ABCA3: variants seen among roughly 807,000 people sequenced by gnomAD.
ABCA3 encodes the protein ATP binding cassette subfamily A member 3.
Under a neutral mutation model 172.8 loss-of-function variants are expected in ABCA3, and 88 were observed. The ratio of observed to expected loss-of-function variants is 0.51; its 90% CI spans 0.43 to 0.61. The LOEUF is 0.61. Among genes scored for constraint, ABCA3 ranks in the 20% least tolerant of loss-of-function variants. The pLI, the probability that ABCA3 is intolerant of heterozygous loss-of-function variation, is 0.00. For missense variants in ABCA3, 2,164 were observed against 2,301.0 expected, an observed-to-expected ratio of 0.94 and a Z score of 1.22; for synonymous variants, 1,066 against 983.8, an observed-to-expected ratio of 1.08 and a Z score of -1.56.
Position 2,277,783 on chromosome 16 carries a change from G to A in ABCA3, c.4909+96C>T, listed in dbSNP as rs1567335312. 6.3e-7 allele frequency: 1 copy of A among 1,590,548 alleles called. No individual in the cohort carries two copies. On this transcript the variant is annotated intron_variant, in intron 31 of 32. Coordinates refer to ENST00000301732, the MANE Select transcript of ABCA3 (RefSeq NM_001089.3). The surrounding 1 kb of genome is among the most constrained non-coding windows in gnomAD (Gnocchi z 5.3). ...CCAGGGATTGGGGAGATGGGACTTG[G>A]CGGGGCGAGGCACAGACGCTCCGCA...
At chr16:2,322,865 G>A (rs1428701506) in intron 7 of ABCA3, among the ~76,000 whole-genome samples, 3 of 152,024 alleles carry the variant, frequency 2.0e-5, no homozygotes, top group South Asian at 2.1e-4. Flanking sequence ...GAGTGAACAG[G>A]GAACCTACAG....
chr16:2,322,196 GAAAA>G (rs770820216), intron 7 of ABCA3, among the ~76,000 whole-genome samples: 2 of 117,444 alleles, frequency 1.7e-5, no homozygotes, highest in Admixed American at 1.8e-4. Context: ...GATTCTGTCT[GAAAA>G]AAAAAAAAAA....
chr16:2,326,492 G>A lies in ABCA3; in HGVS notation c.-26C>T, dbSNP rs377547625. 1.4e-5 allele frequency: 23 copies of A among 1,600,726 alleles called. No individual in the cohort carries two copies. The highest frequency in any genetic ancestry group is 1.8e-5 in the Non-Finnish European group (21 of 1,173,186). ...CGTCTTGCTGAAAGGGACGCCCAGT[G>A]CTAGTTACAGACCAAAGACAGAGAG... On this transcript the variant is annotated splice_region_variant and 5_prime_UTR_variant, in exon 4 of 33. Coordinates refer to ENST00000301732, the MANE Select transcript of ABCA3 (RefSeq NM_001089.3).
rs1038561349 is a variant in ABCA3 at position 2,300,996 on chromosome 16, C to T, written c.1468-848G>A. Among the ~76,000 whole-genome samples, 45 of 149,922 alleles carry T rather than the reference C, an allele frequency of 3.0e-4. 1 individual carries two copies. The highest frequency in any genetic ancestry group is 6.6e-4 in the Admixed American group (10 of 15,186). ...CTGTAATCCCAGCACTTTGGGAGGC[C>T]GAGGCGGGCGGATCATGAGGTCAGG... On this transcript the variant is annotated intron_variant, in intron 12 of 32. Coordinates refer to ENST00000301732, the MANE Select transcript of ABCA3 (RefSeq NM_001089.3).
At chr16:2,323,192 T>G (rs1036615994) in intron 7 of ABCA3, 12 of 419,702 alleles carry the variant, frequency 2.9e-5, no homozygotes, top group Admixed American at 1.9e-4. Context: ...TAGGAACACT[T>G]TTACACTGTT....
At chr16:2,292,277 G>T in intron 18 of ABCA3, 39 bp from the exon 19 acceptor site, 1 of 1,545,804 alleles carries the variant, frequency 6.5e-7, no homozygotes, top group South Asian at 1.1e-5. Context: ...ACTTCTCAGT[G>T]ACTTTCTAGA....
chr16:2,286,050 GTTGCTTTTCTGCTC>G lies in ABCA3; in HGVS notation c.3279-418_3279-405del, dbSNP rs2093662610. On this transcript the variant is annotated intron_variant, in intron 22 of 32. Coordinates refer to ENST00000301732, the MANE Select transcript of ABCA3 (RefSeq NM_001089.3). The surrounding 1 kb of genome is among the most constrained non-coding windows in gnomAD (Gnocchi z 5.2). ...TGGCAAGGAGAGCAGATCGAGGGCT[GTTGCTTTTCTGCTC>G]TTGGGGCAGGGATGGAGCCAGAAGC... Among the ~76,000 whole-genome samples the G allele has an allele frequency of 6.6e-6, 1 of 152,254 alleles. No individual in the cohort carries two copies. The highest frequency in any genetic ancestry group is 1.5e-5 in the Non-Finnish European group (1 of 68,054).
intron 18 of ABCA3, among the ~76,000 whole-genome samples, chr16:2,292,632 T>C (rs1226877982): frequency 6.6e-6 from 1 of 151,244 alleles, no homozygotes; most frequent in African/African-American, 2.4e-5. Flanking sequence ...ATTAAAAAAA[T>C]AAGGAGGCCA....
chr16:2,318,190 A>T lies in ABCA3; in HGVS notation c.874-426T>A, dbSNP rs2093719624. Among the ~76,000 whole-genome samples, 2 of 152,150 alleles carry T rather than the reference A, an allele frequency of 1.3e-5. 1 individual carries two copies. Among genetic ancestry groups the T allele is most frequent in the Admixed American group, 1.3e-4 (2 of 15,268 alleles). On this transcript the variant is annotated intron_variant, in intron 8 of 32. Coordinates refer to ENST00000301732, the MANE Select transcript of ABCA3 (RefSeq NM_001089.3). ...GCTGTGAGACGTGACCACAGATCAGACCATAGCTGTGGATGCCATAGCCAT... is the reference window on the plus strand; with the variant it reads ...GCTGTGAGACGTGACCACAGATCAGTCCATAGCTGTGGATGCCATAGCCAT...
chr16:2,318,952 C>T (rs1241433327), intron 8 of ABCA3, among the ~76,000 whole-genome samples: 3 of 150,664 alleles, frequency 2.0e-5, no homozygotes, highest in East Asian at 3.9e-4. Context: ...TGCATATGTG[C>T]ACACTTTTTT....
Position 2,284,495 on chromosome 16 carries a change from G to A in ABCA3, c.3704-58C>T. The stretch of plus-strand genomic sequence containing the variant: ...GAGGGCACACCACACCCACCTCCAG[G>A]ACGGGCCTGGTCAGGGCGGGCACAG... On this transcript the variant is annotated intron_variant, in intron 24 of 32. Transcript: ENST00000301732. This position sits in a 1 kb window ranked among gnomAD's most constrained non-coding sequence, Gnocchi z 5.9. The A allele has an allele frequency of 1.2e-6, 2 of 1,604,126 alleles. No homozygotes were observed. Among genetic ancestry groups the A allele is most frequent in the Non-Finnish European group, 1.7e-6 (2 of 1,172,454 alleles).
chr16:2,308,784 C>T (rs1465288482), intron 10 of ABCA3, among the ~76,000 whole-genome samples, 161 bp from the exon 11 acceptor site: 2 of 152,156 alleles, frequency 1.3e-5, no homozygotes, highest in African/African-American at 4.8e-5. Flanking sequence ...CACGGGGGGA[C>T]ACCAGGTGTG....
Position 2,285,748 on chromosome 16 carries a change from C to G in ABCA3, c.3279-102G>C. 1.7e-6 allele frequency: 2 copies of G among 1,145,458 alleles called. No homozygotes were observed. The highest frequency in any genetic ancestry group is 2.5e-6 in the Non-Finnish European group (2 of 786,090). 71.0% of individuals were successfully genotyped at this position (1,145,458 alleles called of 1,614,324 possible). On this transcript the variant is annotated intron_variant, in intron 22 of 32. Transcript: ENST00000301732. This position sits in a 1 kb window ranked among gnomAD's most constrained non-coding sequence, Gnocchi z 4.7. ...CCGCCCAAGGCATGCAGGGCAGCAG[C>G]CCAACCACTAAAGGGGCTTATGGGA...
chr16:2,281,285 C>T lies in ABCA3; in HGVS notation c.4165-64G>A. 6.2e-7 allele frequency: 1 copy of T among 1,613,136 alleles called. No homozygotes were observed. The highest frequency in any genetic ancestry group is 1.7e-5 in the Admixed American group (1 of 60,030). On this transcript the variant is annotated intron_variant, in intron 27 of 32. Transcript: ENST00000301732. This position sits in a 1 kb window ranked among gnomAD's most constrained non-coding sequence, Gnocchi z 4.7. ...TGGACGCAAAGCAGAGCAGTCTGAG[C>T]CTCAGCGCCGAAAGCTTCCAGGGAT...
chr16:2,333,150 A>G (rs1390441829), intron 1 of ABCA3, among the ~76,000 whole-genome samples: 2 of 152,282 alleles, frequency 1.3e-5, no homozygotes, highest in East Asian at 3.9e-4. Context: ...ATCTGCATAT[A>G]TGGAGCAGAG....
Position 2,276,436 on chromosome 16 carries a change from C to A in ABCA3, c.*238G>T. The A allele has an allele frequency of 1.3e-6, 1 of 755,936 alleles. No individual in the cohort carries two copies. The highest frequency in any genetic ancestry group is 2.2e-6 in the Non-Finnish European group (1 of 458,474). The allele number at this position is 755,936 out of a possible 1,614,324, so 46.8% of individuals were successfully genotyped here. On this transcript the variant is annotated 3_prime_UTR_variant, in exon 33 of 33. Coordinates refer to ENST00000301732, the MANE Select transcript of ABCA3 (RefSeq NM_001089.3). ...CTTGCCCGCAGACTGCCCGGCCTGC[C>A]CCAGCTCTGGGAAAGTGAACTCCAG... is the stretch of plus-strand genomic sequence containing the variant.
chr16:2,299,332 CG>C, intron 14 of ABCA3, 70 bp downstream of exon 14: 1 of 1,597,726 alleles, frequency 6.3e-7, no homozygotes. Flanking sequence ...GGGAGTGAGG[CG>C]GGGCTGGCGC....
rs2093664012 is a variant in ABCA3 at position 2,286,879 on chromosome 16, A to G, written c.3093T>C (p.Asp1031=). The G allele has an allele frequency of 1.2e-6, 2 of 1,614,066 alleles. No individual in the cohort carries two copies. The highest frequency in any genetic ancestry group is 1.7e-6 in the Non-Finnish European group (2 of 1,180,012). Residue 1031 remains aspartate (D), a synonymous_variant, in exon 22 of 33, where the codon GAT becomes GAC. Transcript: ENST00000301732. The surrounding 1 kb of genome is among the most constrained non-coding windows in gnomAD (Gnocchi z 5.2). ...ERCLVAASFR[D]VGERTVVNAL... is the part of the protein sequence containing the mutation. ...CGTTGACGACCGTGCGCTCTCCCAC[A>G]TCTCTGAAGGACGCTGCCACAAGGC... is the stretch of plus-strand genomic sequence containing the variant.
intron 10 of ABCA3, among the ~76,000 whole-genome samples, chr16:2,314,422 T>C (rs1032979466): frequency 7.0e-6 from 1 of 142,670 alleles, no homozygotes; most frequent in Admixed American, 7.4e-5. Context: ...ATCAAACTCA[T>C]AGGGACAGGA....
Sources: gnomAD v4.1 joint callset for allele counts (sites outside exome capture counted in the v4.1 genomes callset) on GRCh38, gnomAD v4.1.1 for gene constraint, Gnocchi (gnomAD v3.1) non-coding constraint, MANE v1.5 for transcripts, NCBI Gene and HGNC (gene_info 2026-07-23, HGNC 2026-07-21) for gene names.